The following ERC2 variants were observed in gnomAD, a reference collection of about 807,000 sequenced individuals.
ERC2 encodes ELKS/RAB6-interacting/CAST family member 2.
A neutral mutation model predicts 114.8 loss-of-function variants in ERC2; 42 were observed. The ratio of observed to expected loss-of-function variants is 0.37; its 90% CI spans 0.29 to 0.47. The LOEUF (loss-of-function observed/expected upper bound fraction) is 0.47. Ranked by LOEUF, ERC2 falls within the 20% of genes least tolerant of loss-of-function variation. The probability of loss-of-function intolerance (pLI) is 0.99; values close to 1 mark genes in which losing one functional copy is unlikely to be tolerated. For synonymous variants in ERC2, 454 were observed against 425.5 expected (o/e 1.07, Z -0.82); for missense variants, 939 against 1,150.7 (o/e 0.82, Z 2.66).
intron 2 of ERC2, among the ~76,000 whole-genome samples, chr3:56,325,424 C>T (rs561609773): frequency 1.1e-4 from 17 of 151,900 alleles, no homozygotes; most frequent in South Asian, 4.2e-4. Context: ...CCAGCCTGGG[C>T]GACAGAGCGA....
At chr3:55,832,079 A>G (rs759891918) in intron 14 of ERC2, among the ~76,000 whole-genome samples, 55 of 152,338 alleles carry the variant, frequency 3.6e-4, no homozygotes, top group Middle Eastern at 3.4e-3. Flanking sequence ...GCCCAGGCTT[A>G]CTTAGGTAAA....
At chr3:55,811,143 T>TAATTTTTA (rs2059706482) in intron 14 of ERC2, among the ~76,000 whole-genome samples, 2 of 152,206 alleles carry the variant, frequency 1.3e-5, no homozygotes, top group African/African-American at 4.8e-5. Flanking sequence ...GATTAACTTT[T>TAATTTTTA]AATTTGCTTT....
At chr3:56,217,543 C>T (rs1420286699) in intron 3 of ERC2, among the ~76,000 whole-genome samples, 87 of 152,194 alleles carry the variant, frequency 5.7e-4, no homozygotes, top group African/African-American at 7.5e-4. Context: ...GAATCAATAT[C>T]GTGAAAATGG....
chr3:56,224,298 C>T (rs150545161), intron 3 of ERC2, among the ~76,000 whole-genome samples: 92 of 152,190 alleles, frequency 6.0e-4, no homozygotes, highest in African/African-American at 2.2e-3. Context: ...TTAGTGTTTA[C>T]GTTAAAGGAT....
At chr3:56,243,652 T>A (rs2051473738) in intron 3 of ERC2, among the ~76,000 whole-genome samples, 1 of 152,222 alleles carries the variant, frequency 6.6e-6, no homozygotes, top group Non-Finnish European at 1.5e-5. Context: ...AGGAGGTTTT[T>A]AAATATATTT....
At chr3:55,845,421 G>A (rs1274573487) in intron 14 of ERC2, among the ~76,000 whole-genome samples, 4 of 145,332 alleles carry the variant, frequency 2.8e-5, no homozygotes, top group East Asian at 2.1e-4. Context: ...GGAGAATGCC[G>A]TGAACCCGGG....
At chr3:55,907,523 G>C (rs933575422) in intron 13 of ERC2, among the ~76,000 whole-genome samples, 53 of 152,204 alleles carry the variant, frequency 3.5e-4, no homozygotes, top group Non-Finnish European at 8.8e-5. Context: ...AAATGAATCA[G>C]AGGTCTTTGT....
chr3:56,387,380 C>A (rs2059971829), intron 2 of ERC2, among the ~76,000 whole-genome samples: 1 of 152,138 alleles, frequency 6.6e-6, no homozygotes, highest in Admixed American at 6.5e-5. Flanking sequence ...CTTGGCTTCT[C>A]TTTAACCTGT....
intron 17 of ERC2, among the ~76,000 whole-genome samples, chr3:55,537,489 A>G (rs11130477): frequency 0.68 from 103,435 of 152,138 alleles, 35,934 homozygotes; most frequent in East Asian, 0.84. Flanking sequence ...ATTTCTTTGG[A>G]TCCTAGCTTA....
chr3:56,437,764 C>T (rs184723239), intron 1 of ERC2, among the ~76,000 whole-genome samples: 198 of 152,186 alleles, frequency 1.3e-3, no homozygotes, highest in African/African-American at 4.6e-3. Context: ...CATAAGAATT[C>T]GGTGACATAA....
At chr3:56,367,732 CAAACATTGATTGGAATCT>C (rs1163166537) in intron 2 of ERC2, among the ~76,000 whole-genome samples, 1 of 151,952 alleles carries the variant, frequency 6.6e-6, no homozygotes, top group Non-Finnish European at 1.5e-5. Context: ...TATCAAGCTG[CAAACATTGATTGGAATCT>C]AAATCCTGAA....
chr3:56,281,720 G>A (rs940104451), intron 3 of ERC2, among the ~76,000 whole-genome samples: 12 of 152,156 alleles, frequency 7.9e-5, no homozygotes, highest in Non-Finnish European at 1.2e-4. Context: ...TATTTAACAT[G>A]TATTACATTT....
intron 17 of ERC2, among the ~76,000 whole-genome samples, chr3:55,576,821 A>G (rs2057007288): frequency 1.3e-5 from 2 of 152,194 alleles, no homozygotes; most frequent in Non-Finnish European, 2.9e-5. Context: ...TGGCAACAAG[A>G]GTCAGTCACA....
intron 14 of ERC2, among the ~76,000 whole-genome samples, chr3:55,747,155 G>A (rs1158054199): frequency 6.6e-6 from 1 of 152,092 alleles, no homozygotes; most frequent in Non-Finnish European, 1.5e-5. Flanking sequence ...GGGGAGCTAG[G>A]ACATTTCATA....
intron 17 of ERC2, among the ~76,000 whole-genome samples, chr3:55,680,147 T>C (rs1405639560): frequency 6.6e-6 from 1 of 152,232 alleles, no homozygotes; most frequent in African/African-American, 2.4e-5. Context: ...ACAGGCTGCA[T>C]CTACTAGCAT....
intron 13 of ERC2, among the ~76,000 whole-genome samples, chr3:55,920,446 A>ACACACAC (rs57638674): frequency 6.9e-6 from 1 of 145,446 alleles, no homozygotes; most frequent in Non-Finnish European, 1.5e-5. Context: ...ACACACACAC[A>ACACACAC]CCCCAAGTGA....
chr3:56,337,892 G>T (rs1018745219), intron 2 of ERC2, among the ~76,000 whole-genome samples: 1 of 152,058 alleles, frequency 6.6e-6, no homozygotes, highest in South Asian at 2.1e-4. Context: ...ATGAAATGAT[G>T]GTATATTTAT....
intron 2 of ERC2, among the ~76,000 whole-genome samples, chr3:56,373,248 A>G (rs1457663532): frequency 2.0e-5 from 3 of 152,250 alleles, no homozygotes; most frequent in Non-Finnish European, 4.4e-5. Flanking sequence ...CAATGATCCT[A>G]TAAAATCACA....
intron 17 of ERC2, among the ~76,000 whole-genome samples, chr3:55,573,266 T>C (rs2056814590): frequency 6.6e-6 from 1 of 152,212 alleles, no homozygotes. Flanking sequence ...AGTTCCCTCA[T>C]CAGTAAAATG....
Sources: gnomAD v4.1 joint callset for allele counts (sites outside exome capture counted in the v4.1 genomes callset) on GRCh38, gnomAD v4.1.1 for gene constraint, MANE v1.5 for transcripts, NCBI Gene and HGNC (gene_info 2026-07-23, HGNC 2026-07-21) for gene names.